The following CNTN5 variants were observed in gnomAD, a reference collection of about 807,000 sequenced individuals.
The protein encoded by CNTN5 is contactin 5.
CNTN5 carries 77 observed loss-of-function variants against 129.1 expected under a neutral mutation model. That is an observed-to-expected ratio of 0.60 (90% CI 0.50 to 0.72). CNTN5 has a LOEUF of 0.72. CNTN5 is among the 30% of genes least tolerant of loss of function. The pLI, the probability that CNTN5 is intolerant of heterozygous loss-of-function variation, is 0.00. For missense variants in CNTN5, 1,478 were observed against 1,328.8 expected, an observed-to-expected ratio of 1.11 and a Z score of -1.75; for synonymous variants, 509 against 465.6, an observed-to-expected ratio of 1.09 and a Z score of -1.20.
chr11:100,086,798 A>G (rs2137966110), intron 13 of CNTN5, among the ~76,000 whole-genome samples: 1 of 151,664 alleles, frequency 6.6e-6, no homozygotes, highest in African/African-American at 2.4e-5. Flanking sequence ...AACAGACTAT[A>G]CAAGAAGGAA....
At chr11:99,744,431 T>C (rs1943980451) in intron 3 of CNTN5, among the ~76,000 whole-genome samples, 1 of 150,880 alleles carries the variant, frequency 6.6e-6, no homozygotes, top group Non-Finnish European at 1.5e-5. Flanking sequence ...CTGGGCCCTG[T>C]GGCTCATGCC....
At chr11:99,339,655 G>A (rs577144402) in intron 2 of CNTN5, among the ~76,000 whole-genome samples, 33 of 152,194 alleles carry the variant, frequency 2.2e-4, no homozygotes, top group African/African-American at 5.5e-4. Flanking sequence ...GGTGGCAGGC[G>A]CCTGTAGTCC....
At chr11:100,285,586 A>C (rs769355369) in intron 18 of CNTN5, among the ~76,000 whole-genome samples, 3 of 152,350 alleles carry the variant, frequency 2.0e-5, no homozygotes, top group Middle Eastern at 3.4e-3. Flanking sequence ...GTAGAGGAAA[A>C]GAAGTGTTGA....
intron 15 of CNTN5, among the ~76,000 whole-genome samples, chr11:100,204,295 CTA>C (rs200919985): frequency 0.066 from 1,801 of 27,438 alleles, 87 homozygotes; most frequent in South Asian, 0.13. Flanking sequence ...CAAACATTGA[CTA>C]ATATATATAT....
chr11:99,216,352 A>G (rs1860114905), intron 1 of CNTN5, among the ~76,000 whole-genome samples: 1 of 152,084 alleles, frequency 6.6e-6, no homozygotes, highest in Admixed American at 6.6e-5. Context: ...GGGTAGAATA[A>G]CATTTCATTG....
intron 16 of CNTN5, among the ~76,000 whole-genome samples, chr11:100,229,061 C>T (rs1412608912): frequency 1.3e-5 from 2 of 152,094 alleles, no homozygotes; most frequent in South Asian, 2.1e-4. Context: ...AGGAAGCTAG[C>T]GCTAACTAAT....
intron 2 of CNTN5, among the ~76,000 whole-genome samples, chr11:99,473,397 C>A (rs1399399644): frequency 1.3e-5 from 2 of 152,088 alleles, no homozygotes; most frequent in South Asian, 2.1e-4. Flanking sequence ...CATTATATTC[C>A]TTTTGCAAAT....
intron 13 of CNTN5, among the ~76,000 whole-genome samples, chr11:100,131,415 A>C (rs1357363864): frequency 6.6e-6 from 1 of 152,066 alleles, no homozygotes; most frequent in Non-Finnish European, 1.5e-5. Context: ...TGGGAGGAAG[A>C]ATGATTCCAG....
chr11:100,264,129 A>G (rs958238969), intron 17 of CNTN5, among the ~76,000 whole-genome samples: 1 of 152,054 alleles, frequency 6.6e-6, no homozygotes, highest in Non-Finnish European at 1.5e-5. Context: ...TGGAGGATTT[A>G]GGCATTTGAA....
intron 3 of CNTN5, among the ~76,000 whole-genome samples, chr11:99,610,837 AAGAAGCAATGGTTTC>A (rs1217985285): frequency 2.0e-5 from 3 of 152,188 alleles, no homozygotes; most frequent in Non-Finnish European, 4.4e-5. Flanking sequence ...GCAGGGATGG[AAGAAGCAATGGTTTC>A]AGAAGCAAAA....
intron 9 of CNTN5, among the ~76,000 whole-genome samples, chr11:100,054,691 C>T (rs776195997): frequency 1.3e-5 from 2 of 151,632 alleles, no homozygotes; most frequent in Admixed American, 6.6e-5. Flanking sequence ...GTCAGTTACC[C>T]GTTTTCATTT....
At chr11:100,328,473 G>A (rs1951834158) in intron 21 of CNTN5, among the ~76,000 whole-genome samples, 1 of 152,178 alleles carries the variant, frequency 6.6e-6, no homozygotes, top group Non-Finnish European at 1.5e-5. Context: ...AGCTGTACAG[G>A]AAGTCCGGCT....
At chr11:99,945,489 C>CAT (rs139517684) in intron 7 of CNTN5, among the ~76,000 whole-genome samples, 2 of 149,004 alleles carry the variant, frequency 1.3e-5, no homozygotes, top group East Asian at 4.0e-4. Flanking sequence ...AACCTCTGTG[C>CAT]GTGTGTGTGT....
chr11:100,283,929 T>G (rs554729639), intron 18 of CNTN5, among the ~76,000 whole-genome samples: 32 of 151,956 alleles, frequency 2.1e-4, no homozygotes, highest in Non-Finnish European at 4.4e-5. Flanking sequence ...CTGGGTGACA[T>G]AGCGAGACTC....
intron 3 of CNTN5, among the ~76,000 whole-genome samples, chr11:99,711,486 G>GTT (rs144263393): frequency 8.6e-5 from 13 of 151,260 alleles, no homozygotes; most frequent in Admixed American, 5.9e-4. Flanking sequence ...TGAAGACACA[G>GTT]TTTTTTTTAT....
At chr11:100,064,070 T>C (rs1025385940) in intron 10 of CNTN5, among the ~76,000 whole-genome samples, 2 of 152,302 alleles carry the variant, frequency 1.3e-5, no homozygotes, top group East Asian at 3.9e-4. Context: ...GATGTTTCAC[T>C]GTCTCATGGT....
chr11:100,039,724 T>C (rs549939438), intron 9 of CNTN5, among the ~76,000 whole-genome samples: 20 of 152,312 alleles, frequency 1.3e-4, no homozygotes, highest in Admixed American at 3.9e-4. Flanking sequence ...TCATTTTGTC[T>C]TCCATCACTG....
intron 6 of CNTN5, among the ~76,000 whole-genome samples, chr11:99,847,740 G>T (rs961420088): frequency 1.3e-5 from 2 of 152,170 alleles, no homozygotes; most frequent in African/African-American, 4.8e-5. Flanking sequence ...AGGGAGAAAA[G>T]ATGAAGATTT....
chr11:99,796,024 T>TG (rs1224542764), intron 3 of CNTN5, among the ~76,000 whole-genome samples: 1 of 151,686 alleles, frequency 6.6e-6, no homozygotes, highest in Non-Finnish European at 1.5e-5. Context: ...CTGGCAGGTG[T>TG]GGGGTGTTGG....
Sources: allele counts gnomAD v4.1 joint callset (sites outside exome capture counted in the v4.1 genomes callset), GRCh38; gene constraint gnomAD v4.1.1; transcripts MANE v1.5; gene names NCBI Gene and HGNC (gene_info 2026-07-23, HGNC 2026-07-21).